The following MTMR12 variants were observed in gnomAD, a reference collection of about 807,000 sequenced individuals.
The protein encoded by MTMR12 is myotubularin related protein 12.
MTMR12 carries 33 observed loss-of-function variants against 96.7 expected under a neutral mutation model. The ratio of observed to expected loss-of-function variants is 0.34; its 90% CI spans 0.26 to 0.46. MTMR12 has a LOEUF of 0.46. Among genes scored for constraint, MTMR12 ranks in the 20% least tolerant of loss-of-function variants. The pLI is 1.00. For missense variants in MTMR12, 721 were observed against 896.1 expected, an observed-to-expected ratio of 0.80 and a Z score of 2.49; for synonymous variants, 298 against 327.2, an observed-to-expected ratio of 0.91 and a Z score of 0.96.
At chr5:32,304,762 C>T (rs1263991959) in intron 1 of MTMR12, among the ~76,000 whole-genome samples, 2 of 152,190 alleles carry the variant, frequency 1.3e-5, no homozygotes, top group Non-Finnish European at 2.9e-5. Flanking sequence ...CATGTGGCAG[C>T]TGTTTGATCA....
chr5:32,269,516 G>A (rs573537178), intron 5 of MTMR12, among the ~76,000 whole-genome samples: 2 of 152,220 alleles, frequency 1.3e-5, no homozygotes, highest in South Asian at 4.2e-4. Flanking sequence ...TGTTGGTCAG[G>A]CTGGTCTCGA....
intron 6 of MTMR12, among the ~76,000 whole-genome samples, chr5:32,266,712 C>A (rs201181338): frequency 1.3e-5 from 2 of 148,326 alleles, no homozygotes; most frequent in Non-Finnish European, 3.0e-5. Flanking sequence ...CCAACAACAA[C>A]AAAAAAAAAC....
intron 7 of MTMR12, among the ~76,000 whole-genome samples, chr5:32,260,474 G>A (rs2112052849): frequency 6.6e-6 from 1 of 151,922 alleles, no homozygotes; most frequent in African/African-American, 2.4e-5. Flanking sequence ...TGATTAGTAT[G>A]TGGCAGGATT....
At chr5:32,271,961 T>C in intron 3 of MTMR12, 56 bp from the exon 4 acceptor site, 1 of 1,077,874 alleles carries the variant, frequency 9.3e-7, no homozygotes, top group Non-Finnish European at 1.3e-6. Flanking sequence ...TAGACATTTA[T>C]AGGCAGAGTA....
intron 1 of MTMR12, among the ~76,000 whole-genome samples, chr5:32,283,987 AATTCTTGCTTCCTTTCAAGAGT>A (rs1750413834): frequency 6.6e-6 from 1 of 152,140 alleles, no homozygotes; most frequent in African/African-American, 2.4e-5. Context: ...ATGCCTGAGC[AATTCTTGCTTCCTTTCAAGAGT>A]ATATAATCTT....
At chr5:32,304,051 A>T (rs1751255056) in intron 1 of MTMR12, among the ~76,000 whole-genome samples, 1 of 152,142 alleles carries the variant, frequency 6.6e-6, no homozygotes, top group South Asian at 2.1e-4. Context: ...GGCCGGGCGC[A>T]GTAGCTCACG....
intron 7 of MTMR12, among the ~76,000 whole-genome samples, chr5:32,256,184 T>C (rs1749124814): frequency 6.6e-6 from 1 of 152,232 alleles, no homozygotes; most frequent in African/African-American, 2.4e-5. Flanking sequence ...TTATGAGGTT[T>C]GCTGCCCAGA....
At chr5:32,300,030 A>G (rs571587370) in intron 1 of MTMR12, among the ~76,000 whole-genome samples, 1 of 152,142 alleles carries the variant, frequency 6.6e-6, no homozygotes, top group Non-Finnish European at 1.5e-5. Flanking sequence ...TGCCTCCCTC[A>G]TAAGTAGGCA....
chr5:32,307,109 AAT>A (rs981621723), intron 1 of MTMR12, among the ~76,000 whole-genome samples: 2 of 152,276 alleles, frequency 1.3e-5, no homozygotes, highest in African/African-American at 4.8e-5. Flanking sequence ...ATTTGGTTAA[AAT>A]ATATATATAC....
intron 7 of MTMR12, 78 bp from the exon 8 acceptor site, chr5:32,255,846 G>A (rs1257323576): frequency 1.6e-6 from 2 of 1,244,888 alleles, no homozygotes; most frequent in Non-Finnish European, 1.1e-6. Flanking sequence ...CAATGGATAC[G>A]ATGAATACAA....
At chr5:32,264,711 G>T (rs998492990) in intron 6 of MTMR12, among the ~76,000 whole-genome samples, 3 of 151,768 alleles carry the variant, frequency 2.0e-5, no homozygotes, top group African/African-American at 7.3e-5. Flanking sequence ...CACCCACCTC[G>T]GCCTCCCAAA....
chr5:32,285,202 AC>A (rs1283995501), intron 1 of MTMR12, among the ~76,000 whole-genome samples: 1 of 152,092 alleles, frequency 6.6e-6, no homozygotes, highest in Non-Finnish European at 1.5e-5. Context: ...TACTAAAAAT[AC>A]AAAAATTAGC....
At chr5:32,258,697 C>T (rs1271538733) in intron 7 of MTMR12, among the ~76,000 whole-genome samples, 1 of 152,140 alleles carries the variant, frequency 6.6e-6, no homozygotes, top group Non-Finnish European at 1.5e-5. Flanking sequence ...AGCTTACAAA[C>T]AGGCCACTGT....
intron 1 of MTMR12, among the ~76,000 whole-genome samples, chr5:32,279,944 C>T (rs889997592): frequency 2.0e-5 from 3 of 152,204 alleles, no homozygotes; most frequent in Admixed American, 6.5e-5. Context: ...TCCTGCAGTG[C>T]TGGCACAGAC....
At chr5:32,230,860 T>C (rs114866165) in intron 15 of MTMR12, among the ~76,000 whole-genome samples, 13 of 152,300 alleles carry the variant, frequency 8.5e-5, no homozygotes, top group South Asian at 6.2e-4. Flanking sequence ...ATGGGTGAAA[T>C]AGCAGCTTAT....
chr5:32,268,148 TA>T, intron 6 of MTMR12, among the ~76,000 whole-genome samples: 1 of 152,114 alleles, frequency 6.6e-6, no homozygotes, highest in Non-Finnish European at 1.5e-5. Context: ...TTATCTTTCA[TA>T]AAACGCAACC....
chr5:32,296,464 GC>G, intron 1 of MTMR12: 1 of 368,852 alleles, frequency 2.7e-6, no homozygotes, highest in Non-Finnish European at 5.7e-6. Context: ...GGGCAACAGA[GC>G]AAGACCTTGT....
Position 32,243,594 on chromosome 5 carries a change from T to A in MTMR12, c.1027A>T (p.Ser343Cys), listed in dbSNP as rs1248765395. 40 of 1,603,922 alleles carry A rather than the reference T, an allele frequency of 2.5e-5. No homozygotes were observed. The highest frequency in any genetic ancestry group is 3.4e-5 in the Non-Finnish European group (40 of 1,172,026). Reference sequence around the variant, plus strand: ...ATATCTGTGTCCCAAAATTCAGTACTGTTATCTGAAAAAAGAAAAAGGAGT... The same window carrying A: ...ATATCTGTGTCCCAAAATTCAGTACAGTTATCTGAAAAAAGAAAAAGGAGT... ...KFKQLFLIDN[S>C]TEFWDTDIKW... is the part of the protein sequence containing the mutation. Residue 343 changes from serine (S) to cysteine (C), a missense_variant, in exon 11 of 16, where the codon AGT (serine) becomes TGT (cysteine). By Grantham distance (112) the Ser-to-Cys change is moderately radical. Coordinates refer to ENST00000382142, the MANE Select transcript of MTMR12 (RefSeq NM_001040446.3).
At chr5:32,236,045 CTTTA>C (rs1035864923) in intron 13 of MTMR12, among the ~76,000 whole-genome samples, 4 of 152,186 alleles carry the variant, frequency 2.6e-5, no homozygotes, top group Non-Finnish European at 5.9e-5. Context: ...TGTACAGCAA[CTTTA>C]TTTCACACTT....
Sources: gnomAD v4.1 joint callset for allele counts (sites outside exome capture counted in the v4.1 genomes callset) on GRCh38, gnomAD v4.1.1 for gene constraint, MANE v1.5 for transcripts, NCBI Gene and HGNC (gene_info 2026-07-23, HGNC 2026-07-21) for gene names.